CEP68: variants seen among roughly 807,000 people sequenced by gnomAD.
The protein encoded by CEP68 is centrosomal protein of 68 kDa.
CEP68 carries 26 observed loss-of-function variants against 55.3 expected under a neutral mutation model. The observed-to-expected ratio is 0.47, with a 90% CI of 0.34 to 0.65. The LOEUF (loss-of-function observed/expected upper bound fraction) is 0.65, where lower values mean the gene tolerates loss of function less well. Ranked by LOEUF, CEP68 falls within the 30% of genes least tolerant of loss-of-function variation. CEP68 has a pLI of 0.01. For synonymous variants in CEP68, 402 were observed against 383.2 expected (o/e 1.05, Z -0.57); for missense variants, 957 against 946.7 (o/e 1.01, Z -0.14).
rs762085923 is a variant in CEP68, at chr2:65,072,341, G to A, written c.1245G>A (p.Glu415=). 9.3e-6 allele frequency: 15 copies of A among 1,613,824 alleles called. No homozygotes were observed. In the East Asian group the frequency reaches 2.7e-4, roughly 29 times the overall value. Residue 415 remains glutamate (E), a synonymous_variant, in exon 3 of 7, where the codon GAG becomes GAA. Transcript: ENST00000377990. ...GSRDARWERR[E]PALRGAKDRL... Reference sequence around the variant, plus strand: ...GGGATGCTCGTTGGGAGCGCAGAGAGCCAGCCCTGAGGGGTGCGAAGGACC... The same window carrying A: ...GGGATGCTCGTTGGGAGCGCAGAGAACCAGCCCTGAGGGGTGCGAAGGACC...
rs923163144 is a variant in CEP68 at position 65,069,948 on chromosome 2, G to A, written c.357+147G>A. ...TGAGTATGATGATTTCTGTTTTGCG[G>A]GTTCAGCTAGAGAGCTGGGCCTCAG... is the stretch of plus-strand genomic sequence containing the variant. On this transcript the variant is annotated intron_variant, in intron 2 of 6. Coordinates refer to ENST00000377990, the MANE Select transcript of CEP68 (RefSeq NM_015147.3). The A allele has an allele frequency of 1.9e-5, 15 of 787,430 alleles. No individual in the cohort carries two copies. The African/African-American group carries it at 2.2e-4, about 12-fold the overall frequency. The allele number at this position is 787,430 out of a possible 1,614,324, so 48.8% of individuals were successfully genotyped here.
At chr2:65,070,923 G>A (rs1676429365) in intron 2 of CEP68, 1 of 158,308 alleles carries the variant, frequency 6.3e-6, no homozygotes, top group East Asian at 1.9e-4. Context: ...TCAACACTGT[G>A]CTGTCCTGCT....
intron 1 of CEP68, among the ~76,000 whole-genome samples, chr2:65,057,936 G>A (rs1990646): frequency 0.038 from 5,722 of 152,146 alleles, 348 homozygotes; most frequent in African/African-American, 0.13. Flanking sequence ...GATTACAGGC[G>A]TGTCATTAAG....
In CEP68 at chr2:65,072,260, C is replaced by T. The variant is rs762991373; in HGVS notation, c.1164C>T (p.Gly388=). The T allele has an allele frequency of 5.6e-6, 9 of 1,614,108 alleles. No individual in the cohort carries two copies. The South Asian group carries it at 8.8e-5, about 16-fold the overall frequency. ...WPSRVPQKQG[G]MGLASWSQLA... is the part of the protein sequence containing the mutation. ...CCAGAGTACCCCAGAAACAGGGTGG[C>T]ATGGGCTTGGCATCTTGGAGCCAAC... Residue 388 remains glycine, a synonymous_variant, in exon 3 of 7, where the codon GGC becomes GGT. Coordinates refer to ENST00000377990, the MANE Select transcript of CEP68 (RefSeq NM_015147.3).
chr2:65,068,279 G>T (rs944281293), intron 1 of CEP68, among the ~76,000 whole-genome samples: 1 of 152,186 alleles, frequency 6.6e-6, no homozygotes, highest in African/African-American at 2.4e-5. Context: ...TGCTTAGGCT[G>T]AGGGTGATGT....
At position 65,076,601 on chromosome 2, in the gene CEP68, T is replaced by TA. The variant is rs1429925405; in HGVS notation, c.2008-1265dup. Among the ~76,000 whole-genome samples, 4 of 151,630 alleles carry TA rather than the reference T, an allele frequency of 2.6e-5. No individual in the cohort carries two copies. In the Admixed American group the frequency reaches 2.6e-4, roughly 10 times the overall value. On this transcript the variant is annotated intron_variant, in intron 4 of 6. Transcript: ENST00000377990. The stretch of plus-strand genomic sequence containing the variant: ...CGAGCGTGTCTGTGTTCACATATTT[T>TA]AACTGTGACTCATTTTCTTATATAC...
At position 65,072,434 on chromosome 2, in the gene CEP68, C is replaced by T. The variant is rs1676530233; in HGVS notation, c.1338C>T (p.Pro446=). The part of the protein sequence containing the change: ...PQLRTRDRGW[P]SPRPEREKRT... ...TAAGGACACGGGACAGAGGGTGGCC[C>T]TCGCCCAGGCCAGAGAGGGAGAAGA... Residue 446 remains proline, a synonymous_variant, in exon 3 of 7, where the codon CCC becomes CCT. Coordinates refer to ENST00000377990, the MANE Select transcript of CEP68 (RefSeq NM_015147.3). 6.2e-7 allele frequency: 1 copy of T among 1,614,042 alleles called. No homozygotes were observed. The highest frequency in any genetic ancestry group is 1.1e-5 in the South Asian group (1 of 91,086).
At chr2:65,058,555 G>A (rs1675765252) in intron 1 of CEP68, among the ~76,000 whole-genome samples, 1 of 124,864 alleles carries the variant, frequency 8.0e-6, no homozygotes, top group African/African-American at 3.2e-5. Flanking sequence ...TGGCCAGGCT[G>A]GAGTGCAATG....
chr2:65,080,556 C>G (rs371279145), intron 5 of CEP68: 1 of 984,916 alleles, frequency 1.0e-6, no homozygotes, highest in Non-Finnish European at 1.2e-6. Flanking sequence ...CAGTGGCTCA[C>G]GCCTGTAATC....
At position 65,083,816 on chromosome 2, in the gene CEP68, T is replaced by G. The variant is rs543862117; in HGVS notation, c.*182T>G. The G allele has an allele frequency of 3.9e-5, 6 of 152,372 alleles. No individual in the cohort carries two copies. Among genetic ancestry groups the G allele is most frequent in the African/African-American group, 4.8e-5 (2 of 41,590 alleles). 9.4% of individuals were successfully genotyped at this position (152,372 alleles called of 1,614,324 possible). A position where few individuals can be genotyped will look rare whatever the true frequency, so the allele number is the denominator to read the frequency against. On this transcript the variant is annotated 3_prime_UTR_variant, in exon 7 of 7. Transcript: ENST00000377990. ...TGGAGGGCTGAGTTACTATTTTTATTTACAATGAATCCTTCCAAACTAAGG... is the reference window on the plus strand; with the variant it reads ...TGGAGGGCTGAGTTACTATTTTTATGTACAATGAATCCTTCCAAACTAAGG...
At chr2:65,076,120 T>C (rs530056823) in intron 4 of CEP68, among the ~76,000 whole-genome samples, 2 of 151,772 alleles carry the variant, frequency 1.3e-5, no homozygotes, top group South Asian at 4.2e-4. Context: ...GCATTCCCAC[T>C]AGGGTGGAGT....
intron 6 of CEP68, among the ~76,000 whole-genome samples, chr2:65,083,316 G>T (rs982149988): frequency 1.3e-5 from 2 of 152,222 alleles, no homozygotes; most frequent in Non-Finnish European, 2.9e-5. Context: ...TTGCTCCCTT[G>T]AGAAAGTCAA....
chr2:65,058,222 T>C (rs1378692076), intron 1 of CEP68, among the ~76,000 whole-genome samples: 1 of 152,176 alleles, frequency 6.6e-6, no homozygotes, highest in Non-Finnish European at 1.5e-5. Context: ...ATCCCTTTTT[T>C]TGAGACAGGG....
intron 1 of CEP68, among the ~76,000 whole-genome samples, chr2:65,060,603 A>G (rs927452913): frequency 2.0e-5 from 3 of 152,226 alleles, no homozygotes; most frequent in Admixed American, 6.5e-5. Flanking sequence ...AACTGTCAGT[A>G]TAGTAAAAGC....
rs1668995509 is a variant in CEP68 at position 65,085,299 on chromosome 2, A to T, written c.*1665A>T. On this transcript the variant is annotated 3_prime_UTR_variant, in exon 7 of 7. Coordinates refer to ENST00000377990, the MANE Select transcript of CEP68 (RefSeq NM_015147.3). ...TCCCATTCAACTAATAATCAGCTTC[A>T]ACTGACAGGAATTTGCACAGAATGT... is the stretch of plus-strand genomic sequence containing the variant. 1 of 152,188 alleles carries T rather than the reference A, an allele frequency of 6.6e-6. No homozygotes were observed. Among genetic ancestry groups the T allele is most frequent in the Non-Finnish European group, 1.5e-5 (1 of 68,032 alleles). The allele number at this position is 152,188 out of a possible 1,614,324, so 9.4% of individuals were successfully genotyped here.
At chr2:65,074,130 G>A in intron 3 of CEP68, 152 bp from the exon 4 acceptor site, 1 of 778,894 alleles carries the variant, frequency 1.3e-6, no homozygotes, top group African/African-American at 1.7e-5. Flanking sequence ...GGGAGGTACA[G>A]AGTCGTGGAG....
rs1391283900 is a variant in CEP68, at chr2:65,072,590, T to C, written c.1494T>C (p.Tyr498=). 6.2e-7 allele frequency: 1 copy of C among 1,613,848 alleles called. No homozygotes were observed. Among genetic ancestry groups the C allele is most frequent in the African/African-American group, 1.3e-5 (1 of 74,850 alleles). Residue 498 remains tyrosine (Y), a synonymous_variant, in exon 3 of 7, where the codon TAT becomes TAC. Transcript: ENST00000377990. The part of the protein sequence containing the change: ...RLTQVSSLVS[Y]LGSISTLVTL... ...CACAGGTTTCTAGCCTGGTTTCGTATCTAGGATCCATTTCTACCTTGGTTA... is the reference window on the plus strand; with the variant it reads ...CACAGGTTTCTAGCCTGGTTTCGTACCTAGGATCCATTTCTACCTTGGTTA...
chr2:65,060,454 G>A (rs1675858940), intron 1 of CEP68, among the ~76,000 whole-genome samples: 1 of 150,162 alleles, frequency 6.7e-6, no homozygotes, highest in African/African-American at 2.4e-5. Context: ...TCAGGGCCGG[G>A]CACAGTGGCC....
intron 5 of CEP68, 63 bp downstream of exon 5, chr2:65,078,027 A>ATAGTGCGGTCCCTGGG: frequency 1.6e-6 from 2 of 1,262,314 alleles, no homozygotes; most frequent in Non-Finnish European, 2.3e-6. Flanking sequence ...AGGCCCAGGG[A>ATAGTGCGGTCCCTGGG]CCGCACTATC....
Sources: allele counts gnomAD v4.1 joint callset (sites outside exome capture counted in the v4.1 genomes callset), GRCh38; gene constraint gnomAD v4.1.1; transcripts MANE v1.5; gene names NCBI Gene and HGNC (gene_info 2026-07-23, HGNC 2026-07-21).